LARS2: variants seen among roughly 807,000 people sequenced by gnomAD.
LARS2 encodes leucine--tRNA ligase, mitochondrial.
A neutral mutation model predicts 116.6 loss-of-function variants in LARS2; 81 were observed. The observed-to-expected ratio is 0.69, with a 90% CI of 0.58 to 0.84. The LOEUF (loss-of-function observed/expected upper bound fraction) is 0.84. LARS2 is among the 40% of genes least tolerant of loss of function. The pLI, the probability that LARS2 is intolerant of heterozygous loss-of-function variation, is 0.00. For missense variants in LARS2, 968 were observed against 1,114.5 expected (o/e 0.87, Z 1.87); for synonymous variants, 396 against 407.2 (o/e 0.97, Z 0.33).
chr3:45,510,648 G>T lies in LARS2; in HGVS notation c.1761-2487G>T, dbSNP rs369171060. On this transcript the variant is annotated intron_variant, in intron 15 of 21. Transcript: ENST00000645846. ...TTTTGATAACAGTTTGGGAAATGGC[G>T]TGAGTAAAGACGTGGAAGCACATGC... Among the ~76,000 whole-genome samples, 63 of 152,354 alleles carry T rather than the reference G, an allele frequency of 4.1e-4. 2 individuals are homozygous for T. In the East Asian group the frequency reaches 6.6e-3, roughly 16 times the overall value.
intron 11 of LARS2, among the ~76,000 whole-genome samples, chr3:45,487,768 G>A (rs373730898): frequency 5.0e-4 from 29 of 57,516 alleles, no homozygotes; most frequent in South Asian, 1.1e-3. Flanking sequence ...CCAAAGAGCT[G>A]GGGGGAAAAG....
At chr3:45,468,503 G>T (rs1247643202) in intron 8 of LARS2, among the ~76,000 whole-genome samples, 1 of 152,186 alleles carries the variant, frequency 6.6e-6, no homozygotes, top group African/African-American at 2.4e-5. Flanking sequence ...AGACCCAGGG[G>T]CAGGGAGGTG....
Position 45,458,868 on chromosome 3 carries a change from G to C in LARS2, c.732G>C (p.Lys244Asn). The C allele has an allele frequency of 6.2e-7, 1 of 1,614,044 alleles. No homozygotes were observed. Among genetic ancestry groups the C allele is most frequent in the Non-Finnish European group, 8.5e-7 (1 of 1,179,910 alleles). The change falls in exon 8 of 22, where the codon AAG becomes AAC. Residue 244 changes from lysine to asparagine, a missense_variant. Physicochemically the swap from Lys to Asn is moderately conservative, Grantham distance 94. Coordinates refer to ENST00000645846, the MANE Select transcript of LARS2 (RefSeq NM_015340.4). ...AGTACCTCAGACAATGGTTTATTAA[G>C]ACAACCGCTTATGCAAAGGTGAGTG... ...EQKYLRQWFI[K>N]TTAYAKAMQD...
chr3:45,412,952 G>A (rs891178202), intron 4 of LARS2, among the ~76,000 whole-genome samples: 1 of 152,208 alleles, frequency 6.6e-6, no homozygotes, highest in African/African-American at 2.4e-5. Context: ...GACTGCTCCT[G>A]GTCCAATCAG....
At chr3:45,391,827 T>A (rs1697957586) in intron 2 of LARS2, among the ~76,000 whole-genome samples, 179 bp downstream of exon 2, 1 of 152,238 alleles carries the variant, frequency 6.6e-6, no homozygotes, top group African/African-American at 2.4e-5. Context: ...AGCCAGGTAT[T>A]ATGTGAACAT....
chr3:45,503,297 T>G (rs1700149105), intron 15 of LARS2, among the ~76,000 whole-genome samples: 1 of 152,104 alleles, frequency 6.6e-6, no homozygotes, highest in Non-Finnish European at 1.5e-5. Flanking sequence ...ATGGTCAAGA[T>G]AGGCAAGTTT....
intron 4 of LARS2, among the ~76,000 whole-genome samples, chr3:45,417,035 C>T (rs34463845): frequency 1.9e-3 from 282 of 149,134 alleles, no homozygotes; most frequent in Non-Finnish European, 3.1e-3. Flanking sequence ...GATCACGCCA[C>T]TGCACTCCAG....
At chr3:45,447,275 T>C (rs1699038096) in intron 7 of LARS2, among the ~76,000 whole-genome samples, 1 of 152,192 alleles carries the variant, frequency 6.6e-6, no homozygotes. Flanking sequence ...CTCCCAGCTA[T>C]GTGAACATCT....
chr3:45,487,662 G>A (rs983782818), intron 11 of LARS2, among the ~76,000 whole-genome samples: 1 of 151,916 alleles, frequency 6.6e-6, no homozygotes, highest in African/African-American at 2.4e-5. Context: ...GAGTGCTATT[G>A]GTACAGTTCA....
chr3:45,462,048 A>G (rs1302954406), intron 8 of LARS2, among the ~76,000 whole-genome samples: 1 of 152,212 alleles, frequency 6.6e-6, no homozygotes, highest in Non-Finnish European at 1.5e-5. Flanking sequence ...AAGTCCTGCT[A>G]TATATAGATA....
intron 21 of LARS2, among the ~76,000 whole-genome samples, chr3:45,543,203 A>G (rs1700822964): frequency 6.6e-6 from 1 of 152,190 alleles, no homozygotes; most frequent in East Asian, 1.9e-4. Context: ...AAATCTTCAA[A>G]ACCAAAACCA....
chr3:45,546,088 G>T (rs1303743176), intron 21 of LARS2, among the ~76,000 whole-genome samples: 1 of 152,174 alleles, frequency 6.6e-6, no homozygotes, highest in Non-Finnish European at 1.5e-5. Flanking sequence ...GTAGGTGGTG[G>T]CCCAGAGGAG....
intron 4 of LARS2, among the ~76,000 whole-genome samples, chr3:45,416,051 A>G (rs1698416130): frequency 6.6e-6 from 1 of 151,726 alleles, no homozygotes. Context: ...CTTAGTTTTC[A>G]TCTATCTGGC....
intron 3 of LARS2, among the ~76,000 whole-genome samples, chr3:45,396,512 G>C (rs1338489176): frequency 2.0e-5 from 3 of 152,244 alleles, no homozygotes; most frequent in African/African-American, 7.2e-5. Flanking sequence ...CTGAGACTAT[G>C]ACGGAATGCT....
rs1213977888 is a variant in LARS2, at chr3:45,541,975, C to T, written c.2532+19C>T. 3 of 1,613,408 alleles carry T rather than the reference C, an allele frequency of 1.9e-6. No homozygotes were observed. The African/African-American group carries it at 4.0e-5, about 22-fold the overall frequency. Reference sequence around the variant, plus strand: ...AGTTCTGGTAAGTATCTCCCCTCAACCCCAGAACCCAGCAGTCCCTGCCCT... The same window carrying T: ...AGTTCTGGTAAGTATCTCCCCTCAATCCCAGAACCCAGCAGTCCCTGCCCT... On this transcript the variant is annotated intron_variant, in intron 21 of 21. Coordinates refer to ENST00000645846, the MANE Select transcript of LARS2 (RefSeq NM_015340.4).
At chr3:45,393,536 T>C (rs1279257385) in intron 2 of LARS2, among the ~76,000 whole-genome samples, 1 of 152,134 alleles carries the variant, frequency 6.6e-6, no homozygotes. Flanking sequence ...GATCATGCCA[T>C]TGCACTTCAG....
intron 20 of LARS2, among the ~76,000 whole-genome samples, chr3:45,529,761 AAT>A (rs1700586555): frequency 6.6e-6 from 1 of 152,168 alleles, no homozygotes; most frequent in Non-Finnish European, 1.5e-5. Context: ...CCAGATGTTA[AAT>A]ATGGACTTTT....
chr3:45,446,694 G>A (rs1327304627), intron 6 of LARS2, among the ~76,000 whole-genome samples, 197 bp from the exon 7 acceptor site: 1 of 152,234 alleles, frequency 6.6e-6, no homozygotes, highest in African/African-American at 2.4e-5. Flanking sequence ...TCAGAAAGGT[G>A]TAGGTGGCAT....
At chr3:45,536,167 GC>G (rs57453452) in intron 20 of LARS2, among the ~76,000 whole-genome samples, 152,340 of 152,340 alleles carry the variant, frequency 1, 76,170 homozygotes, top group Non-Finnish European at 1. Flanking sequence ...TGTTGCCCAG[GC>G]CTGAGTGCAG....
Sources: gnomAD v4.1 joint callset for allele counts (sites outside exome capture counted in the v4.1 genomes callset) on GRCh38, gnomAD v4.1.1 for gene constraint, MANE v1.5 for transcripts, NCBI Gene and HGNC (gene_info 2026-07-23, HGNC 2026-07-21) for gene names.